BMP5: variants seen among roughly 807,000 people sequenced by gnomAD.
BMP5 encodes the protein bone morphogenetic protein 5.
In BMP5, 23 loss-of-function variants were observed where a neutral mutation model predicts 46.6. The observed-to-expected ratio is 0.49, with a 90% confidence interval of 0.35 to 0.70. The LOEUF is 0.70. Among genes scored for constraint, BMP5 ranks in the 30% least tolerant of loss-of-function variants. The pLI, the probability that BMP5 is intolerant of heterozygous loss-of-function variation, is 0.00. For missense variants in BMP5, 545 were observed against 565.6 expected (o/e 0.96, Z 0.37); for synonymous variants, 204 against 191.9 (o/e 1.06, Z -0.52).
intron 1 of BMP5, among the ~76,000 whole-genome samples, chr6:55,827,468 A>G (rs1776560099): frequency 6.6e-6 from 1 of 151,750 alleles, no homozygotes; most frequent in African/African-American, 2.4e-5. Context: ...TCTTGTTTAT[A>G]TATTGGTGGA....
At chr6:55,792,672 A>G (rs956970223) in intron 3 of BMP5, among the ~76,000 whole-genome samples, 14 of 152,298 alleles carry the variant, frequency 9.2e-5, no homozygotes, top group African/African-American at 3.1e-4. Flanking sequence ...GGTATTATCC[A>G]TAGGCTATGA....
At chr6:55,809,620 C>CAT (rs1266277243) in intron 2 of BMP5, among the ~76,000 whole-genome samples, 3 of 151,470 alleles carry the variant, frequency 2.0e-5, no homozygotes, top group Admixed American at 1.3e-4. Context: ...ATATTATATA[C>CAT]ATATATATAT....
chr6:55,813,527 C>T (rs1423634915), intron 2 of BMP5, among the ~76,000 whole-genome samples: 1 of 150,266 alleles, frequency 6.7e-6, no homozygotes, highest in Non-Finnish European at 1.5e-5. Flanking sequence ...CGGTGGCTCA[C>T]ACCTGTAATC....
At chr6:55,757,811 T>G (rs1026890023) in intron 6 of BMP5, among the ~76,000 whole-genome samples, 1 of 151,994 alleles carries the variant, frequency 6.6e-6, no homozygotes, top group African/African-American at 2.4e-5. Context: ...ATTTCCAGTC[T>G]TTGATAACGT....
chr6:55,858,591 T>C (rs1777455091), intron 1 of BMP5, among the ~76,000 whole-genome samples: 1 of 152,232 alleles, frequency 6.6e-6, no homozygotes, highest in South Asian at 2.1e-4. Flanking sequence ...GGTTTCATTC[T>C]GGTAAAATAA....
chr6:55,841,916 C>CAGAGAGAGAGAGAGAGAGAGAGAG (rs143400522), intron 1 of BMP5, among the ~76,000 whole-genome samples: 28 of 146,914 alleles, frequency 1.9e-4, no homozygotes, highest in African/African-American at 6.0e-4. Flanking sequence ...GAGAGAGAGA[C>CAGAGAGAGAGAGAGAGAGAGAGAG]AGAGAGAGAG....
intron 3 of BMP5, 53 bp downstream of exon 3, chr6:55,794,226 T>A: frequency 6.3e-7 from 1 of 1,596,806 alleles, no homozygotes; most frequent in Non-Finnish European, 8.6e-7. Flanking sequence ...AAACGATAAC[T>A]CTCAATGTGT....
chr6:55,758,961 C>G, intron 6 of BMP5, 44 bp downstream of exon 6: 1 of 1,270,268 alleles, frequency 7.9e-7, no homozygotes, highest in East Asian at 2.3e-5. Context: ...TTATAATATG[C>G]TTGCATTCTA....
intron 1 of BMP5, among the ~76,000 whole-genome samples, chr6:55,856,684 T>A (rs185373184): frequency 6.6e-6 from 1 of 152,234 alleles, no homozygotes; most frequent in African/African-American, 2.4e-5. Flanking sequence ...TTATCTATAC[T>A]TTTTATATTT....
chr6:55,808,323 C>A lies in BMP5; in HGVS notation c.683+11332G>T, dbSNP rs150246514. ...ACTTCTTGGGACCAAGCCATCCAGT[C>A]TCCCTGGGTCCAGCTAAGGAAAAGC... On this transcript the variant is annotated intron_variant, in intron 2 of 6. Transcript: ENST00000370830. Among the ~76,000 whole-genome samples the A allele has an allele frequency of 2.3e-3, 352 of 152,296 alleles. 4 individuals are homozygous for A. Among genetic ancestry groups the A allele is most frequent in the Non-Finnish European group, 2.3e-3 (156 of 68,012 alleles).
At chr6:55,869,532 A>T (rs1777730503) in intron 1 of BMP5, among the ~76,000 whole-genome samples, 1 of 152,206 alleles carries the variant, frequency 6.6e-6, no homozygotes, top group African/African-American at 2.4e-5. Context: ...AGGATAATAA[A>T]CACAAAAGCT....
At chr6:55,866,980 A>G (rs923797352) in intron 1 of BMP5, among the ~76,000 whole-genome samples, 5 of 152,222 alleles carry the variant, frequency 3.3e-5, no homozygotes, top group Admixed American at 6.5e-5. Flanking sequence ...AAGTAATTCT[A>G]GAACACTTGC....
At chr6:55,845,334 T>G (rs1240575469) in intron 1 of BMP5, among the ~76,000 whole-genome samples, 1 of 151,958 alleles carries the variant, frequency 6.6e-6, no homozygotes, top group African/African-American at 2.4e-5. Context: ...ACTTGACATC[T>G]GAAGGAACTA....
intron 2 of BMP5, among the ~76,000 whole-genome samples, chr6:55,797,664 T>G (rs1775749497): frequency 1.4e-5 from 2 of 147,764 alleles, no homozygotes; most frequent in African/African-American, 5.0e-5. Context: ...TCGCCCAGGC[T>G]GGAGTGCAGT....
At chr6:55,780,480 AAGAAAG>A (rs1775289529) in intron 3 of BMP5, among the ~76,000 whole-genome samples, 5 of 146,686 alleles carry the variant, frequency 3.4e-5, no homozygotes, top group African/African-American at 1.3e-4. Context: ...AAAAGAAAGA[AAGAAAG>A]AAAGAAAGAA....
rs143521553 is a variant in BMP5 at position 55,800,112 on chromosome 6, T to C, written c.684-5685A>G. The stretch of plus-strand genomic sequence containing the variant: ...TAGCATAGTATTTCCAATGACAGTA[T>C]CATACACAAATATACAAAAATGCTA... On this transcript the variant is annotated intron_variant, in intron 2 of 6. Transcript: ENST00000370830. Among the ~76,000 whole-genome samples the C allele has an allele frequency of 2.7e-3, 408 of 152,282 alleles. 2 individuals carry two copies. The highest frequency in any genetic ancestry group is 8.6e-3 in the African/African-American group (356 of 41,544).
chr6:55,829,116 G>A (rs1776598590), intron 1 of BMP5, among the ~76,000 whole-genome samples: 1 of 151,696 alleles, frequency 6.6e-6, no homozygotes, highest in South Asian at 2.1e-4. Context: ...ATTAATATAG[G>A]AGTAGCTGAT....
intron 1 of BMP5, among the ~76,000 whole-genome samples, chr6:55,863,995 C>G (rs923185529): frequency 6.6e-6 from 1 of 151,876 alleles, no homozygotes; most frequent in African/African-American, 2.4e-5. Context: ...AGAAGGTACA[C>G]CCCCATTTTT....
chr6:55,774,133 C>A lies in BMP5; in HGVS notation c.943G>T (p.Val315Leu). The A allele has an allele frequency of 6.2e-7, 1 of 1,613,136 alleles. No homozygotes were observed. ...TTTTTTCGTTTGTTGGCTGCTCTCACGGATCGAAGAAGTACCTCACTCGCC... is the reference window on the plus strand; with the variant it reads ...TTTTTTCGTTTGTTGGCTGCTCTCAAGGATCGAAGAAGTACCTCACTCGCC... ...FKASEVLLRS[V>L]RAANKRKNQN... Residue 315 changes from valine to leucine, a missense_variant, in exon 4 of 7, where the codon GTG (valine) becomes TTG (leucine). Coordinates refer to ENST00000370830, the MANE Select transcript of BMP5 (RefSeq NM_021073.4).
Sources: allele counts gnomAD v4.1 joint callset (sites outside exome capture counted in the v4.1 genomes callset), GRCh38; gene constraint gnomAD v4.1.1; transcripts MANE v1.5; gene names NCBI Gene and HGNC (gene_info 2026-07-23, HGNC 2026-07-21).